HP1BP3: variants seen among roughly 807,000 people sequenced by gnomAD.
HP1BP3 encodes the protein heterochromatin protein 1-binding protein 3.
Under a neutral mutation model 62.5 loss-of-function variants are expected in HP1BP3, and 12 were observed. The observed-to-expected ratio is 0.19, with a 90% confidence interval of 0.12 to 0.31. HP1BP3 has a LOEUF of 0.31. HP1BP3 is among the 10% of genes least tolerant of loss of function. The probability of loss-of-function intolerance (pLI) is 1.00; values close to 1 mark genes in which losing one functional copy is unlikely to be tolerated. For synonymous variants in HP1BP3, 260 were observed against 237.8 expected, an observed-to-expected ratio of 1.09 and a Z score of -0.86; for missense variants, 502 against 651.8, an observed-to-expected ratio of 0.77 and a Z score of 2.50.
At chr1:20,762,082 A>G (rs895496018) in intron 8 of HP1BP3, among the ~76,000 whole-genome samples, 1 of 152,162 alleles carries the variant, frequency 6.6e-6, no homozygotes, top group African/African-American at 2.4e-5. Flanking sequence ...GTGAAACTGT[A>G]TTTTTCTTCC....
At chr1:20,773,661 T>C (rs781416329) in intron 4 of HP1BP3, 51 bp from the exon 5 acceptor site, 4 of 1,289,044 alleles carry the variant, frequency 3.1e-6, no homozygotes, top group Admixed American at 2.7e-5. Flanking sequence ...TAGAAAGACG[T>C]ATAAAGTCAG....
intron 9 of HP1BP3, chr1:20,750,100 AC>A: frequency 1.2e-6 from 1 of 844,004 alleles, no homozygotes; most frequent in East Asian, 3.4e-5. Context: ...CCTTCCATCT[AC>A]CCTCCATCCA....
chr1:20,770,363 G>A (rs1040439286), intron 6 of HP1BP3, among the ~76,000 whole-genome samples: 8 of 152,134 alleles, frequency 5.3e-5, no homozygotes, highest in Non-Finnish European at 8.8e-5. Context: ...CACTCTCACC[G>A]AGGCTGGAGT....
intron 3 of HP1BP3, 23 bp from the exon 4 acceptor site, chr1:20,776,773 T>C (rs377133728): frequency 6.9e-6 from 11 of 1,601,154 alleles, no homozygotes; most frequent in East Asian, 2.2e-5. Context: ...GTGAGCAGAA[T>C]TGCATAAGCA....
intron 4 of HP1BP3, chr1:20,775,782 C>T: frequency 2.0e-6 from 1 of 502,670 alleles, no homozygotes; most frequent in Non-Finnish European, 3.4e-6. Flanking sequence ...AGGTTTGTAG[C>T]CTAGAAGCAA....
chr1:20,774,666 C>G (rs2057220108), intron 4 of HP1BP3: 1 of 152,022 alleles, frequency 6.6e-6, no homozygotes, highest in Non-Finnish European at 1.5e-5. Context: ...GTAAACAAAC[C>G]TACAGTGCTG....
intron 6 of HP1BP3, among the ~76,000 whole-genome samples, chr1:20,767,879 A>C (rs1324052632): frequency 6.6e-6 from 1 of 152,166 alleles, no homozygotes; most frequent in African/African-American, 2.4e-5. Flanking sequence ...AACCCAGTTA[A>C]CCCTCTGAGC....
intron 9 of HP1BP3, among the ~76,000 whole-genome samples, chr1:20,751,833 A>G (rs2154539816): frequency 6.6e-6 from 1 of 152,350 alleles, no homozygotes; most frequent in East Asian, 1.9e-4. Context: ...ATAATATGCA[A>G]AAAGGGAAAA....
chr1:20,755,599 C>T (rs2056057519), intron 9 of HP1BP3, among the ~76,000 whole-genome samples: 1 of 151,916 alleles, frequency 6.6e-6, no homozygotes, highest in Admixed American at 6.6e-5. Flanking sequence ...CGACTTGAGC[C>T]CTTATAAACA....
At chr1:20,783,913 A>C (rs896080506) in intron 1 of HP1BP3, among the ~76,000 whole-genome samples, 1 of 152,130 alleles carries the variant, frequency 6.6e-6, no homozygotes, top group South Asian at 2.1e-4. Flanking sequence ...TAATAAACTC[A>C]CTGTTCATTA....
chr1:20,751,281 T>G (rs905914917), intron 9 of HP1BP3, among the ~76,000 whole-genome samples: 6 of 152,066 alleles, frequency 3.9e-5, no homozygotes, highest in African/African-American at 1.4e-4. Context: ...TTTCTGGGAA[T>G]CTAAAGTTTT....
rs886807087 is a variant in HP1BP3, at chr1:20,741,977, C to G, written c.*2820G>C. ...TATGTCTTTGACAGTTGTGGATGTT[C>G]GTGGAAGAGTGCGATGACCTTCCTG... On this transcript the variant is annotated 3_prime_UTR_variant, in exon 13 of 13. Coordinates refer to ENST00000438032, the MANE Select transcript of HP1BP3 (RefSeq NM_001372052.1). Among the ~76,000 whole-genome samples, 1 of 152,214 alleles carries G rather than the reference C, an allele frequency of 6.6e-6. No individual in the cohort carries two copies. Among genetic ancestry groups the G allele is most frequent in the Admixed American group, 6.5e-5 (1 of 15,278 alleles).
chr1:20,768,432 C>T (rs1469758765), intron 6 of HP1BP3, among the ~76,000 whole-genome samples: 4 of 152,126 alleles, frequency 2.6e-5, no homozygotes, highest in South Asian at 2.1e-4. Flanking sequence ...GGTGACAGAG[C>T]GATACTCCGT....
chr1:20,763,061 T>C (rs1189527371), intron 8 of HP1BP3, among the ~76,000 whole-genome samples: 2 of 152,124 alleles, frequency 1.3e-5, no homozygotes, highest in Non-Finnish European at 2.9e-5. Flanking sequence ...TTTAAGAGTG[T>C]GAGATCTGGT....
At chr1:20,746,668 C>T (rs1309857067) in intron 11 of HP1BP3, among the ~76,000 whole-genome samples, 1 of 152,086 alleles carries the variant, frequency 6.6e-6, no homozygotes, top group Admixed American at 6.6e-5. Flanking sequence ...GATAAGTGTT[C>T]CTGTCTCTAC....
At chr1:20,759,462 T>C (rs1196299541) in intron 8 of HP1BP3, among the ~76,000 whole-genome samples, 1 of 152,224 alleles carries the variant, frequency 6.6e-6, no homozygotes, top group Non-Finnish European at 1.5e-5. Context: ...CTTCTTTGTA[T>C]ATGTTTGAAA....
chr1:20,783,407 T>G (rs2057663985), intron 1 of HP1BP3, among the ~76,000 whole-genome samples: 2 of 151,944 alleles, frequency 1.3e-5, no homozygotes, highest in Non-Finnish European at 2.9e-5. Context: ...TAGTCTCAGC[T>G]ACTCAGGAGG....
At chr1:20,773,692 G>T in intron 4 of HP1BP3, 82 bp from the exon 5 acceptor site, 2 of 960,478 alleles carry the variant, frequency 2.1e-6, no homozygotes, top group East Asian at 3.0e-5. Flanking sequence ...AGACCAGGGA[G>T]GGATAAAAAT....
At chr1:20,765,270 A>G (rs931909814) in intron 8 of HP1BP3, 107 bp downstream of exon 8, 4 of 660,502 alleles carry the variant, frequency 6.1e-6, no homozygotes, top group Non-Finnish European at 9.4e-6. Context: ...ATTTATTTTT[A>G]GCTGAAAGTA....
Sources: gnomAD v4.1 joint callset for allele counts (sites outside exome capture counted in the v4.1 genomes callset) on GRCh38, gnomAD v4.1.1 for gene constraint, MANE v1.5 for transcripts, NCBI Gene and HGNC (gene_info 2026-07-23, HGNC 2026-07-21) for gene names.